The following TMEM117 variants were observed in gnomAD, a reference collection of about 807,000 sequenced individuals.
TMEM117 encodes transmembrane protein 117.
Under a neutral mutation model 52.4 loss-of-function variants are expected in TMEM117, and 27 were observed. The ratio of observed to expected loss-of-function variants is 0.51; its 90% CI spans 0.38 to 0.71. TMEM117 has a LOEUF of 0.71. Ranked by LOEUF, TMEM117 falls within the 30% of genes least tolerant of loss-of-function variation. TMEM117 has a pLI of 0.00. For missense variants in TMEM117, 556 were observed against 630.5 expected, an observed-to-expected ratio of 0.88 and a Z score of 1.26; for synonymous variants, 215 against 206.3, an observed-to-expected ratio of 1.04 and a Z score of -0.36.
chr12:43,812,271 C>G, the TMEM117 span, among the ~76,000 whole-genome samples: 1 of 152,172 alleles, frequency 6.6e-6, no homozygotes, highest in South Asian at 2.1e-4. Context: ...GAGACAGCGC[C>G]TAAAAGAGAA....
chr12:44,365,741 A>G (rs1386438362), intron 6 of TMEM117, among the ~76,000 whole-genome samples: 1 of 151,916 alleles, frequency 6.6e-6, no homozygotes, highest in Non-Finnish European at 1.5e-5. Context: ...TCTCCTATAA[A>G]GGATTTTCTT....
At chr12:44,308,112 A>G (rs948393227) in intron 6 of TMEM117, among the ~76,000 whole-genome samples, 3 of 152,228 alleles carry the variant, frequency 2.0e-5, no homozygotes, top group Admixed American at 6.5e-5. Context: ...TAAGTGGAAA[A>G]TAGAGACATT....
At chr12:44,152,348 A>C (rs936866329) in intron 4 of TMEM117, among the ~76,000 whole-genome samples, 19 of 111,218 alleles carry the variant, frequency 1.7e-4, no homozygotes, top group South Asian at 2.9e-4. Flanking sequence ...ATATAAATTT[A>C]TATATTTATA....
At chr12:44,118,884 G>C (rs1948189234) in intron 3 of TMEM117, among the ~76,000 whole-genome samples, 1 of 152,062 alleles carries the variant, frequency 6.6e-6, no homozygotes, top group South Asian at 2.1e-4. Context: ...CACATTTCTT[G>C]CATTTTACTT....
At chr12:44,248,968 T>G (rs79856111) in intron 5 of TMEM117, 1 of 152,308 alleles carries the variant, frequency 6.6e-6, no homozygotes, top group African/African-American at 2.4e-5. Context: ...GGCTCATCTT[T>G]TGTGTGTGTG....
At chr12:44,038,566 T>G (rs865903216) in intron 3 of TMEM117, among the ~76,000 whole-genome samples, 2 of 152,128 alleles carry the variant, frequency 1.3e-5, no homozygotes, top group Admixed American at 6.5e-5. Context: ...AGACCAGTAG[T>G]GTGAGCTGAG....
intron 4 of TMEM117, among the ~76,000 whole-genome samples, chr12:44,200,991 T>C (rs1418840178): frequency 6.6e-6 from 1 of 151,994 alleles, no homozygotes; most frequent in Non-Finnish European, 1.5e-5. Context: ...AAGAAAATAA[T>C]AGGAAAATCC....
At chr12:44,380,539 G>A (rs1006180982) in intron 7 of TMEM117, among the ~76,000 whole-genome samples, 1 of 152,138 alleles carries the variant, frequency 6.6e-6, no homozygotes, top group African/African-American at 2.4e-5. Context: ...TTGGATACAT[G>A]GGCTCTAGCT....
chr12:44,082,221 G>T (rs1947492410), intron 3 of TMEM117, among the ~76,000 whole-genome samples: 2 of 151,852 alleles, frequency 1.3e-5, no homozygotes, highest in South Asian at 4.2e-4. Flanking sequence ...TGGGCGTGTA[G>T]AAATTTTCAG....
chr12:44,081,742 T>G (rs916879460), intron 3 of TMEM117, among the ~76,000 whole-genome samples: 1 of 152,082 alleles, frequency 6.6e-6, no homozygotes, highest in Admixed American at 6.6e-5. Flanking sequence ...AACTTCTAAG[T>G]TAGTAAACAA....
intron 5 of TMEM117, among the ~76,000 whole-genome samples, chr12:44,270,647 C>T (rs1220918739): frequency 6.6e-6 from 1 of 152,062 alleles, no homozygotes; most frequent in Non-Finnish European, 1.5e-5. Flanking sequence ...ACTTCCAGTA[C>T]TATTTTGAAT....
intron 3 of TMEM117, among the ~76,000 whole-genome samples, chr12:44,054,936 T>G (rs961334672): frequency 1.8e-4 from 28 of 152,232 alleles, no homozygotes; most frequent in Non-Finnish European, 2.8e-4. Flanking sequence ...CTGGTCTTAT[T>G]CTAAAAGAAT....
At chr12:44,219,033 A>G (rs1949755593) in intron 5 of TMEM117, among the ~76,000 whole-genome samples, 1 of 152,360 alleles carries the variant, frequency 6.6e-6, no homozygotes, top group African/African-American at 2.4e-5. Context: ...ATGATTAATC[A>G]TATTTTCAAC....
intron 3 of TMEM117, among the ~76,000 whole-genome samples, chr12:44,085,116 A>G (rs1024395694): frequency 2.0e-5 from 3 of 152,228 alleles, no homozygotes. Flanking sequence ...ATGTTTTGCT[A>G]TTAATTCGTA....
At chr12:43,874,674 C>G (rs556910007) in intron 2 of TMEM117, among the ~76,000 whole-genome samples, 6 of 152,304 alleles carry the variant, frequency 3.9e-5, no homozygotes, top group South Asian at 2.1e-4. Context: ...TTTTGTTAGT[C>G]TACACAGGTT....
the TMEM117 span, chr12:43,799,296 C>T: frequency 3.1e-5 from 22 of 717,700 alleles, no homozygotes; most frequent in African/African-American, 3.3e-4. Flanking sequence ...CCTAAGCTAC[C>T]TAACTTCTTT....
At chr12:44,205,718 A>G (rs60008417) in intron 4 of TMEM117, among the ~76,000 whole-genome samples, 18,834 of 152,166 alleles carry the variant, frequency 0.12, 1,397 homozygotes, top group Middle Eastern at 0.23. Flanking sequence ...ATAAGATACC[A>G]TCTCACACTA....
chr12:43,825,416 G>A, the TMEM117 span, among the ~76,000 whole-genome samples: 2 of 152,102 alleles, frequency 1.3e-5, no homozygotes, highest in African/African-American at 4.8e-5. Flanking sequence ...GAAGTGACTG[G>A]ATTCTAGGCA....
chr12:44,087,434 GTGTATGTA>G lies in TMEM117; in HGVS notation c.411-56057_411-56050del, dbSNP rs60335561. Among the ~76,000 whole-genome samples, 495 of 150,092 alleles carry G rather than the reference GTGTATGTA, an allele frequency of 3.3e-3. 7 individuals are homozygous for G. The East Asian group carries it at 0.037, about 11-fold the overall frequency. ...TTTTTTCTTACCATTCTTTCTATGT[GTGTATGTA>G]TGTATGTATGTATGTATGTATGTAT... On this transcript the variant is annotated intron_variant, in intron 3 of 7. Coordinates refer to ENST00000266534, the MANE Select transcript of TMEM117 (RefSeq NM_032256.3).
Sources: allele counts gnomAD v4.1 joint callset (sites outside exome capture counted in the v4.1 genomes callset), GRCh38; gene constraint gnomAD v4.1.1; transcripts MANE v1.5; gene names NCBI Gene and HGNC (gene_info 2026-07-23, HGNC 2026-07-21).